LSAMP: variants seen among roughly 807,000 people sequenced by gnomAD.
LSAMP encodes the protein limbic system-associated membrane protein.
In LSAMP, 7 loss-of-function variants were observed where a neutral mutation model predicts 38.6. The ratio of observed to expected loss-of-function variants is 0.18; its 90% CI spans 0.10 to 0.34. The LOEUF (loss-of-function observed/expected upper bound fraction) is 0.34. LSAMP is among the 10% of genes least tolerant of loss of function. The probability of loss-of-function intolerance (pLI) is 1.00; values close to 1 mark genes in which losing one functional copy is unlikely to be tolerated. For missense variants in LSAMP, 313 were observed against 420.0 expected (o/e 0.75, Z 2.23); for synonymous variants, 154 against 166.8 (o/e 0.92, Z 0.59).
intron 1 of LSAMP, among the ~76,000 whole-genome samples, chr3:116,256,051 C>A (rs956989169): frequency 2.6e-5 from 4 of 152,074 alleles, no homozygotes; most frequent in Non-Finnish European, 4.4e-5. Context: ...CAATAAAATG[C>A]GTAATTAATT....
intron 1 of LSAMP, among the ~76,000 whole-genome samples, chr3:116,371,349 T>C (rs940323965): frequency 5.9e-5 from 9 of 152,020 alleles, no homozygotes; most frequent in Non-Finnish European, 1.5e-5. Flanking sequence ...TTATACACAA[T>C]TACCAAATAG....
At chr3:116,416,184 G>T (rs2049047507) in intron 1 of LSAMP, among the ~76,000 whole-genome samples, 1 of 152,152 alleles carries the variant, frequency 6.6e-6, no homozygotes, top group Non-Finnish European at 1.5e-5. Flanking sequence ...AGTACAACAA[G>T]CACTAATTGA....
rs1044950918 is a variant in LSAMP, at chr3:115,807,833, G to A, written c.*2484C>T. Reference sequence around the variant, plus strand: ...ATAAATTGATGCTGCATAGGAATATGGCTCACCTTCCCTATATTTTACTAG... The same window carrying A: ...ATAAATTGATGCTGCATAGGAATATAGCTCACCTTCCCTATATTTTACTAG... On this transcript the variant is annotated 3_prime_UTR_variant, in exon 7 of 7. Coordinates refer to ENST00000490035, the MANE Select transcript of LSAMP (RefSeq NM_002338.5). The A allele has an allele frequency of 2.6e-5, 4 of 152,076 alleles. No individual in the cohort carries two copies. The South Asian group carries it at 8.3e-4, about 32-fold the overall frequency. 9.4% of individuals were successfully genotyped at this position (152,076 alleles called of 1,614,324 possible). A position where few individuals can be genotyped will look rare whatever the true frequency, so the allele number is the denominator to read the frequency against.
chr3:116,021,844 C>T (rs377306739), intron 2 of LSAMP, among the ~76,000 whole-genome samples: 2 of 151,056 alleles, frequency 1.3e-5, no homozygotes, highest in South Asian at 4.2e-4. Context: ...GGAGATAGAG[C>T]GAAGACTTTG....
At chr3:115,853,322 C>T (rs1935390046) in intron 3 of LSAMP, among the ~76,000 whole-genome samples, 1 of 152,140 alleles carries the variant, frequency 6.6e-6, no homozygotes, top group Admixed American at 6.5e-5. Flanking sequence ...GCTTTTAGGC[C>T]ATGGGCCAGA....
At chr3:115,867,511 G>A (rs575768483) in intron 3 of LSAMP, among the ~76,000 whole-genome samples, 16 of 152,178 alleles carry the variant, frequency 1.1e-4, no homozygotes, top group Non-Finnish European at 1.9e-4. Context: ...TATCTGACCC[G>A]CTGTGCTGAG....
At chr3:116,174,634 G>A (rs778427359) in intron 1 of LSAMP, among the ~76,000 whole-genome samples, 1 of 151,866 alleles carries the variant, frequency 6.6e-6, no homozygotes, top group Non-Finnish European at 1.5e-5. Context: ...TCAACCAGAA[G>A]ACTAAGCAAC....
chr3:116,137,661 A>G (rs1225008906), intron 1 of LSAMP, among the ~76,000 whole-genome samples: 1 of 152,144 alleles, frequency 6.6e-6, no homozygotes, highest in Non-Finnish European at 1.5e-5. Context: ...ATTTATTCTG[A>G]AATTATTGAT....
intron 2 of LSAMP, among the ~76,000 whole-genome samples, chr3:116,041,796 C>CAAAAA (rs148805855): frequency 1.2e-4 from 7 of 56,998 alleles, no homozygotes; most frequent in Admixed American, 2.1e-4. Flanking sequence ...TGAAAGCATG[C>CAAAAA]AAAAAAAAAC....
chr3:116,247,511 C>T (rs1352389759), intron 1 of LSAMP, among the ~76,000 whole-genome samples: 2 of 152,062 alleles, frequency 1.3e-5, no homozygotes, highest in African/African-American at 4.8e-5. Flanking sequence ...GAAAATCTTA[C>T]AAATATGACA....
At chr3:116,290,207 A>G (rs1446550340) in intron 1 of LSAMP, among the ~76,000 whole-genome samples, 1 of 152,206 alleles carries the variant, frequency 6.6e-6, no homozygotes, top group Non-Finnish European at 1.5e-5. Flanking sequence ...TTTCAAGAAA[A>G]GGAATTGGAG....
At chr3:116,392,469 T>C (rs4521220) in intron 1 of LSAMP, among the ~76,000 whole-genome samples, 128,420 of 152,266 alleles carry the variant, frequency 0.84, 54,431 homozygotes, top group East Asian at 0.94. Flanking sequence ...ACATGCCAGC[T>C]CCCTGCCACC....
intron 3 of LSAMP, among the ~76,000 whole-genome samples, chr3:115,866,326 C>T (rs1935858179): frequency 6.6e-6 from 1 of 152,122 alleles, no homozygotes; most frequent in South Asian, 2.1e-4. Context: ...TCTCAACTCC[C>T]AATTGTGGGT....
chr3:116,383,341 C>T (rs1251382157), intron 1 of LSAMP, among the ~76,000 whole-genome samples: 2 of 151,788 alleles, frequency 1.3e-5, no homozygotes, highest in Non-Finnish European at 2.9e-5. Flanking sequence ...TGCCCCATAG[C>T]TCAAAAGTAA....
intron 2 of LSAMP, among the ~76,000 whole-genome samples, chr3:116,075,149 T>G (rs1707709339): frequency 6.7e-6 from 1 of 149,498 alleles, no homozygotes; most frequent in African/African-American, 2.5e-5. Context: ...TTTTTTTTTT[T>G]TTTTTTGAGA....
At chr3:115,837,591 G>T (rs572739560) in intron 6 of LSAMP, among the ~76,000 whole-genome samples, 1 of 152,066 alleles carries the variant, frequency 6.6e-6, no homozygotes, top group African/African-American at 2.4e-5. Context: ...GGCAACACAA[G>T]CAGTGCCCTT....
chr3:116,037,291 G>A (rs551819295), intron 2 of LSAMP, among the ~76,000 whole-genome samples: 2 of 152,192 alleles, frequency 1.3e-5, no homozygotes, highest in Non-Finnish European at 2.9e-5. Flanking sequence ...TATTTTTAAG[G>A]CCAACCAGGG....
chr3:115,894,247 C>T (rs913790967), intron 3 of LSAMP, among the ~76,000 whole-genome samples: 1 of 152,004 alleles, frequency 6.6e-6, no homozygotes, highest in Non-Finnish European at 1.5e-5. Context: ...AGAGCTTTAA[C>T]ATTTTACTCA....
At chr3:116,271,885 A>T (rs1341474939) in intron 1 of LSAMP, among the ~76,000 whole-genome samples, 1 of 152,042 alleles carries the variant, frequency 6.6e-6, no homozygotes, top group Non-Finnish European at 1.5e-5. Context: ...GAATAGAAGG[A>T]AGTAAAATGA....
Sources: gnomAD v4.1 joint callset for allele counts (sites outside exome capture counted in the v4.1 genomes callset) on GRCh38, gnomAD v4.1.1 for gene constraint, MANE v1.5 for transcripts, NCBI Gene and HGNC (gene_info 2026-07-23, HGNC 2026-07-21) for gene names.